Variants in AIRIM observed in about 807,000 individuals in gnomAD.
The protein encoded by AIRIM is AFG2 interacting ribosome maturation factor, also known as AFG2-interacting ribosome maturation factor.
the AIRIM span, chr1:37,686,257 T>C: frequency 1.9e-5 from 31 of 1,600,796 alleles, 1 homozygote; most frequent in South Asian, 3.5e-4. Flanking sequence ...TGACCTGAAA[T>C]GTGTGCAAAG....
the AIRIM span, chr1:37,689,565 A>T: frequency 6.5e-7 from 1 of 1,529,196 alleles, no homozygotes. Flanking sequence ...ACCTCGTTTT[A>T]AAATCCTTCC....
chr1:37,687,079 TG>T, the AIRIM span, among the ~76,000 whole-genome samples: 126 of 149,786 alleles, frequency 8.4e-4, no homozygotes, highest in Middle Eastern at 3.5e-3. Flanking sequence ...TGTGTGTGTG[TG>T]TGTGTGTGTG....
At chr1:37,686,347 C>A in the AIRIM span, 1 of 1,614,122 alleles carries the variant, frequency 6.2e-7, no homozygotes, top group Non-Finnish European at 8.5e-7. Context: ...CTGCTGAAGG[C>A]TGCAGGACAG....
At chr1:37,690,425 T>G in the AIRIM span, 1 of 1,266,062 alleles carries the variant, frequency 7.9e-7, no homozygotes, top group Non-Finnish European at 1.0e-6. Flanking sequence ...TGCCCGAGGC[T>G]GCCGGTCGCC....
At chr1:37,685,209 C>T in the AIRIM span, among the ~76,000 whole-genome samples, 14 of 22,832 alleles carry the variant, frequency 6.1e-4, no homozygotes, top group East Asian at 5.3e-3. Context: ...GGGGGGTGGG[C>T]GGGGGGTGGT....
the AIRIM span, among the ~76,000 whole-genome samples, chr1:37,684,799 G>C: frequency 1.9e-3 from 294 of 152,244 alleles, 6 homozygotes; most frequent in Middle Eastern, 0.014. Context: ...AGAAAAGTTG[G>C]GGTTTGGGAA....
the AIRIM span, among the ~76,000 whole-genome samples, chr1:37,685,192 T>TTG: frequency 1.2e-3 from 53 of 44,790 alleles, no homozygotes; most frequent in African/African-American, 3.8e-3. Flanking sequence ...TGCTTTTTTT[T>TTG]GGGGGGGGGG....
At chr1:37,685,304 C>G in the AIRIM span, among the ~76,000 whole-genome samples, 1,492 of 151,596 alleles carry the variant, frequency 9.8e-3, 34 homozygotes, top group African/African-American at 0.035. Context: ...TGACCTCCCA[C>G]GCTCAAGCAA....
the AIRIM span, chr1:37,683,526 A>C: frequency 1.4e-6 from 2 of 1,448,012 alleles, no homozygotes; most frequent in Non-Finnish European, 9.4e-7. Flanking sequence ...GGAGCCATAA[A>C]AGTGAAAGTG....
the AIRIM span, chr1:37,691,932 C>G: frequency 6.6e-5 from 10 of 152,314 alleles, no homozygotes; most frequent in African/African-American, 2.4e-4. Flanking sequence ...GCGCCCCCCC[C>G]AAAGCCTGCA....
At chr1:37,685,184 C>T in the AIRIM span, among the ~76,000 whole-genome samples, 3 of 70,414 alleles carry the variant, frequency 4.3e-5, no homozygotes, top group East Asian at 2.1e-3. Flanking sequence ...CACTCGAATG[C>T]TTTTTTTTGG....
the AIRIM span, among the ~76,000 whole-genome samples, chr1:37,688,554 G>C: frequency 6.6e-6 from 1 of 152,052 alleles, no homozygotes; most frequent in South Asian, 2.1e-4. Flanking sequence ...AACTAAATCT[G>C]GTTCATTTTT....
At chr1:37,686,268 G>A in the AIRIM span, 1 of 1,610,906 alleles carries the variant, frequency 6.2e-7, no homozygotes, top group Non-Finnish European at 8.5e-7. Context: ...GTGTGCAAAG[G>A]ATACGACTTT....
At chr1:37,687,733 A>C in the AIRIM span, among the ~76,000 whole-genome samples, 11 of 152,178 alleles carry the variant, frequency 7.2e-5, no homozygotes, top group African/African-American at 2.7e-4. Context: ...TGTCTCTAAA[A>C]ATAAAATAAA....
the AIRIM span, chr1:37,686,184 A>G: frequency 7.8e-7 from 1 of 1,282,202 alleles, no homozygotes. Flanking sequence ...AACTGACTCA[A>G]ACTACTTAGT....
the AIRIM span, chr1:37,686,467 C>T: frequency 1.2e-6 from 2 of 1,609,550 alleles, no homozygotes; most frequent in South Asian, 1.1e-5. Context: ...AAGAAAGAGT[C>T]TGACATTAGG....
the AIRIM span, among the ~76,000 whole-genome samples, chr1:37,687,642 A>C: frequency 6.6e-6 from 1 of 152,116 alleles, no homozygotes; most frequent in Non-Finnish European, 1.5e-5. Context: ...CCAGCTACTC[A>C]GGAGGCTGGC....
the AIRIM span, chr1:37,691,991 C>T: frequency 6.5e-6 from 1 of 153,438 alleles, no homozygotes; most frequent in Non-Finnish European, 1.5e-5. Flanking sequence ...CTGTCAAACC[C>T]TGCCGGGGCT....
chr1:37,686,407 C>A, the AIRIM span: 2 of 1,614,118 alleles, frequency 1.2e-6, no homozygotes, highest in Non-Finnish European at 1.7e-6. Flanking sequence ...GAAACACTCG[C>A]TCCACATGGC....
Sources: allele counts gnomAD v4.1 joint callset (sites outside exome capture counted in the v4.1 genomes callset), GRCh38; gene constraint gnomAD v4.1.1; transcripts MANE v1.5; gene names NCBI Gene and HGNC (gene_info 2026-07-23, HGNC 2026-07-21).